The following SPNS3 variants were observed in gnomAD, a reference collection of about 807,000 sequenced individuals.
The protein encoded by SPNS3 is protein spinster homolog 3.
Under a neutral mutation model 54.4 loss-of-function variants are expected in SPNS3, and 51 were observed. The observed-to-expected ratio is 0.94, with a 90% confidence interval of 0.75 to 1.18. SPNS3 has a LOEUF of 1.18. Among genes scored for constraint, SPNS3 ranks in the 50% most tolerant of loss-of-function variants. The pLI is 0.00. For synonymous variants in SPNS3, 309 were observed against 294.7 expected, an observed-to-expected ratio of 1.05 and a Z score of -0.50; for missense variants, 669 against 677.4, an observed-to-expected ratio of 0.99 and a Z score of 0.14.
At chr17:4,480,983 A>G (rs912928150) in intron 9 of SPNS3, among the ~76,000 whole-genome samples, 1 of 152,056 alleles carries the variant, frequency 6.6e-6, no homozygotes, top group African/African-American at 2.4e-5. Flanking sequence ...CTCCCTGTAA[A>G]GGCAGGTGGT....
At chr17:4,463,396 C>CAAAAAAA (rs368770425) in intron 8 of SPNS3, among the ~76,000 whole-genome samples, 13 of 122,150 alleles carry the variant, frequency 1.1e-4, no homozygotes, top group African/African-American at 3.6e-4. Flanking sequence ...GACTCTGTCT[C>CAAAAAAA]AAAAAAAAAA....
intron 8 of SPNS3, among the ~76,000 whole-genome samples, chr17:4,458,426 C>A (rs1971374494): frequency 1.7e-5 from 2 of 120,744 alleles, no homozygotes; most frequent in East Asian, 2.2e-4. Context: ...TTTCTTCTTT[C>A]TTTCCTTCCT....
chr17:4,487,581 G>A (rs927643471), intron 11 of SPNS3, among the ~76,000 whole-genome samples: 2 of 152,258 alleles, frequency 1.3e-5, no homozygotes, highest in African/African-American at 2.4e-5. Context: ...CAGACTGTAG[G>A]AGGGTCAGTG....
intron 4 of SPNS3, 91 bp from the exon 5 acceptor site, chr17:4,446,805 G>GT: frequency 8.1e-7 from 1 of 1,231,396 alleles, no homozygotes; most frequent in Non-Finnish European, 1.2e-6. Context: ...TCCCTGGGGC[G>GT]TGGGGGGGGC....
intron 4 of SPNS3, chr17:4,446,500 G>C: frequency 4.1e-6 from 2 of 487,892 alleles, no homozygotes; most frequent in East Asian, 6.6e-5. Flanking sequence ...TGGGAGGTAA[G>C]GTGAGGAAGC....
chr17:4,451,583 T>C (rs1971168127), intron 7 of SPNS3, among the ~76,000 whole-genome samples: 1 of 152,136 alleles, frequency 6.6e-6, no homozygotes, highest in Non-Finnish European at 1.5e-5. Context: ...TATTGAGAGG[T>C]TGGAAAGATC....
At chr17:4,456,053 G>A (rs1461024814) in intron 8 of SPNS3, among the ~76,000 whole-genome samples, 1 of 152,100 alleles carries the variant, frequency 6.6e-6, no homozygotes, top group African/African-American at 2.4e-5. Flanking sequence ...CTGGGCTCCA[G>A]CAATCCTCTT....
chr17:4,476,588 T>A (rs921397534), intron 8 of SPNS3, among the ~76,000 whole-genome samples: 3 of 152,056 alleles, frequency 2.0e-5, no homozygotes, highest in Admixed American at 1.3e-4. Context: ...CGGGCTGGGC[T>A]TTCATGTGGC....
Position 4,448,247 on chromosome 17 carries a change from G to T in SPNS3, c.714G>T (p.Gly238=). 3 of 1,599,566 alleles carry T rather than the reference G, an allele frequency of 1.9e-6. No homozygotes were observed. Among genetic ancestry groups the T allele is most frequent in the Non-Finnish European group, 2.6e-6 (3 of 1,173,832 alleles). The change falls in exon 6 of 12, where the codon GGG becomes GGT. Residue 238 remains glycine, a synonymous_variant. Coordinates refer to ENST00000355530, the MANE Select transcript of SPNS3 (RefSeq NM_182538.5). ...GAGCTGCCGAGACACAGGGGGAGGG[G>T]GCCGTGGGAGGCTTCAGGAGCAGCT... ...PRGAAETQGE[G]AVGGFRSSWC...
At chr17:4,463,986 T>C (rs1462767261) in intron 8 of SPNS3, among the ~76,000 whole-genome samples, 6 of 152,146 alleles carry the variant, frequency 3.9e-5, no homozygotes. Flanking sequence ...AAGTATAGCT[T>C]TTCTCCTGCT....
In SPNS3 at chr17:4,449,231, G is replaced by A. The variant is rs1303799579; in HGVS notation, c.771-4G>A. ...AACTCCAGCTGGGGCACCTCGTCTT[G>A]CAGCTGGAGTTTCGTGTGGTCGACC... On this transcript the variant is annotated splice_polypyrimidine_tract_variant and splice_region_variant and intron_variant, in intron 6 of 11. Coordinates refer to ENST00000355530, the MANE Select transcript of SPNS3 (RefSeq NM_182538.5). 1 of 1,609,732 alleles carries A rather than the reference G, an allele frequency of 6.2e-7. No homozygotes were observed. Among genetic ancestry groups the A allele is most frequent in the Non-Finnish European group, 8.5e-7 (1 of 1,179,560 alleles).
At chr17:4,456,589 G>A (rs563230943) in intron 8 of SPNS3, among the ~76,000 whole-genome samples, 26 of 152,200 alleles carry the variant, frequency 1.7e-4, no homozygotes, top group African/African-American at 5.1e-4. Flanking sequence ...ACAGTGGCAC[G>A]ATCTAGACTC....
chr17:4,446,456 C>A, intron 4 of SPNS3: 1 of 496,990 alleles, frequency 2.0e-6, no homozygotes, highest in Non-Finnish European at 3.6e-6. Flanking sequence ...TTCACACACT[C>A]GGCAGTGTGG....
At chr17:4,468,221 G>A (rs1387295859) in intron 8 of SPNS3, among the ~76,000 whole-genome samples, 3 of 152,214 alleles carry the variant, frequency 2.0e-5, no homozygotes, top group Admixed American at 1.3e-4. Flanking sequence ...TGGAAGAATC[G>A]CTTGAGCTTA....
intron 4 of SPNS3, 60 bp from the exon 5 acceptor site, chr17:4,446,836 T>G (rs1597308652): frequency 6.6e-7 from 1 of 1,516,336 alleles, no homozygotes; most frequent in East Asian, 2.2e-5. Flanking sequence ...AGGCTGGTGG[T>G]GGGGTCTGCC....
At chr17:4,458,654 CTTCT>C (rs1267219322) in intron 8 of SPNS3, among the ~76,000 whole-genome samples, 860 of 78,270 alleles carry the variant, frequency 0.011, 14 homozygotes, top group African/African-American at 0.038. Flanking sequence ...TCTTTCCTTC[CTTCT>C]TTCTTTCTTT....
Position 4,434,111 on chromosome 17 carries a change from C to T in SPNS3, c.144C>T (p.Ala48=), listed in dbSNP as rs377702417. The T allele has an allele frequency of 1.5e-4, 244 of 1,612,270 alleles. 1 individual carries two copies. The highest frequency in any genetic ancestry group is 1.9e-4 in the Non-Finnish European group (219 of 1,179,294). ...CCCCGTGGAGGGCCTACGTGGCTGC[C>T]GCCGTCCTCTGCTACATCAACCTCC... The part of the protein sequence containing the change: ...SLPPWRAYVA[A]AVLCYINLLN... The change falls in exon 1 of 12, where the codon GCC becomes GCT. Residue 48 remains alanine, a synonymous_variant. Coordinates refer to ENST00000355530, the MANE Select transcript of SPNS3 (RefSeq NM_182538.5).
chr17:4,445,248 G>GTCCCCACGCAGCTCTGA, intron 3 of SPNS3, 80 bp downstream of exon 3: 1 of 1,428,924 alleles, frequency 7.0e-7, no homozygotes, highest in Non-Finnish European at 9.6e-7. Context: ...CGTCAGAGCT[G>GTCCCCACGCAGCTCTGA]CGTGGGGACA....
intron 9 of SPNS3, among the ~76,000 whole-genome samples, chr17:4,480,701 C>A (rs1972127260): frequency 6.6e-6 from 1 of 152,204 alleles, no homozygotes; most frequent in Non-Finnish European, 1.5e-5. Flanking sequence ...GGGTTAGGGG[C>A]TGGCCAGCTG....
Sources: gnomAD v4.1 joint callset for allele counts (sites outside exome capture counted in the v4.1 genomes callset) on GRCh38, gnomAD v4.1.1 for gene constraint, MANE v1.5 for transcripts, NCBI Gene and HGNC (gene_info 2026-07-23, HGNC 2026-07-21) for gene names.